Variants in PRKG1 observed in about 807,000 individuals in gnomAD.
The protein encoded by PRKG1 is protein kinase cGMP-dependent 1.
A neutral mutation model predicts 88.1 loss-of-function variants in PRKG1; 35 were observed. The ratio of observed to expected loss-of-function variants is 0.40; its 90% confidence interval spans 0.30 to 0.53. The LOEUF is 0.53. Ranked by LOEUF, PRKG1 falls within the 20% of genes least tolerant of loss-of-function variation. PRKG1 has a pLI of 0.59. For missense variants in PRKG1, 540 were observed against 839.8 expected, an observed-to-expected ratio of 0.64 and a Z score of 4.41; for synonymous variants, 303 against 292.5, an observed-to-expected ratio of 1.04 and a Z score of -0.37.
chr10:51,072,685 T>C (rs1194138911), upstream of PRKG1, among the ~76,000 whole-genome samples: 3 of 152,176 alleles, frequency 2.0e-5, no homozygotes, highest in Non-Finnish European at 2.9e-5. Context: ...ATGAAGTGTC[T>C]TGTGTAATCT....
intron 2 of PRKG1, among the ~76,000 whole-genome samples, chr10:51,164,433 C>A (rs966987890): frequency 1.3e-5 from 2 of 151,932 alleles, no homozygotes; most frequent in Non-Finnish European, 2.9e-5. Context: ...GTAGATAAAA[C>A]CACAAAGATG....
intron 2 of PRKG1, among the ~76,000 whole-genome samples, chr10:51,188,757 G>A (rs1837558325): frequency 6.6e-6 from 1 of 151,914 alleles, no homozygotes; most frequent in South Asian, 2.1e-4. Flanking sequence ...GGATAAGTTT[G>A]TGTCTAATCC....
intron 5 of PRKG1, among the ~76,000 whole-genome samples, chr10:51,926,750 G>A (rs948048290): frequency 5.7e-5 from 8 of 141,292 alleles, no homozygotes; most frequent in Non-Finnish European, 1.2e-4. Context: ...GCCTAGCATA[G>A]TTTTTTTTTT....
At chr10:51,065,847 A>G (rs1284672570) in intron 1 of PRKG1, among the ~76,000 whole-genome samples, 4 of 152,086 alleles carry the variant, frequency 2.6e-5, no homozygotes, top group Non-Finnish European at 5.9e-5. Context: ...TATTTATGCA[A>G]ATATTAGGGT....
chr10:51,923,745 T>C (rs1046822124), intron 5 of PRKG1, among the ~76,000 whole-genome samples: 1 of 152,096 alleles, frequency 6.6e-6, no homozygotes, highest in Non-Finnish European at 1.5e-5. Flanking sequence ...GTTACTCTTA[T>C]TATTTTGAAC....
At chr10:51,107,850 A>G (rs1266084331) in intron 1 of PRKG1, among the ~76,000 whole-genome samples, 3 of 151,354 alleles carry the variant, frequency 2.0e-5, no homozygotes. Flanking sequence ...AAACTTTATA[A>G]CCAGACTTAA....
chr10:51,126,273 T>A (rs183062159), intron 1 of PRKG1, among the ~76,000 whole-genome samples: 171 of 24,232 alleles, frequency 7.1e-3, no homozygotes, highest in Non-Finnish European at 0.013. Context: ...TTATTTATAA[T>A]TATTTATATA....
chr10:51,347,401 G>A lies in PRKG1; in HGVS notation c.479-120322G>A, dbSNP rs548183077. 2.2e-4 allele frequency among the ~76,000 whole-genome samples: 34 copies of A among 152,222 alleles called. No individual in the cohort carries two copies. In the South Asian group the frequency reaches 3.9e-3, roughly 18 times the overall value. ...GACTATGTACAATATTCTTTCTAACGAAGAATGGATACTTCAGTTCCTCAG... is the reference window on the plus strand; with the variant it reads ...GACTATGTACAATATTCTTTCTAACAAAGAATGGATACTTCAGTTCCTCAG... On this transcript the variant is annotated intron_variant, in intron 2 of 17. Transcript: ENST00000373980.
chr10:51,109,643 T>G (rs1017616063), intron 1 of PRKG1, among the ~76,000 whole-genome samples: 22 of 152,226 alleles, frequency 1.4e-4, no homozygotes, highest in African/African-American at 5.3e-4. Flanking sequence ...ATGTAAACCT[T>G]CCATCTTTTA....
intron 2 of PRKG1, among the ~76,000 whole-genome samples, chr10:51,374,093 AATATAT>A (rs58198784): frequency 2.0e-5 from 2 of 100,144 alleles, no homozygotes; most frequent in Non-Finnish European, 4.4e-5. Flanking sequence ...AAAAAAAAAA[AATATAT>A]ATATATATAT....
At chr10:51,498,171 G>C (rs559065050) in intron 3 of PRKG1, among the ~76,000 whole-genome samples, 2 of 152,238 alleles carry the variant, frequency 1.3e-5, no homozygotes, top group Admixed American at 1.3e-4. Flanking sequence ...AGATGATTAA[G>C]GATATGTGAA....
chr10:51,393,632 T>C (rs1025153525), intron 2 of PRKG1, among the ~76,000 whole-genome samples: 15 of 151,978 alleles, frequency 9.9e-5, no homozygotes, highest in African/African-American at 3.6e-4. Flanking sequence ...ATGAAATTAG[T>C]TGTGGGGTGA....
chr10:51,730,385 G>T (rs1319891950), intron 3 of PRKG1, among the ~76,000 whole-genome samples: 1 of 152,216 alleles, frequency 6.6e-6, no homozygotes, highest in Non-Finnish European at 1.5e-5. Flanking sequence ...AATGTAGTTT[G>T]ACTGATGACT....
At chr10:51,698,781 G>A (rs748589500) in intron 3 of PRKG1, 21 of 1,614,184 alleles carry the variant, frequency 1.3e-5, no homozygotes, top group Non-Finnish European at 1.8e-5. Context: ...CCCTGGATAG[G>A]AGTCTGCATC....
chr10:51,767,839 A>T (rs1026852801), intron 3 of PRKG1, among the ~76,000 whole-genome samples: 1 of 152,152 alleles, frequency 6.6e-6, no homozygotes, highest in African/African-American at 2.4e-5. Flanking sequence ...TTTGCCTGCT[A>T]TTTTGAAGAC....
At chr10:52,011,379 G>T (rs10823952) in intron 5 of PRKG1, among the ~76,000 whole-genome samples, 4 of 151,934 alleles carry the variant, frequency 2.6e-5, no homozygotes, top group African/African-American at 7.3e-5. Context: ...ATGTGTCAGT[G>T]GTCAGAAGGA....
At chr10:51,328,107 C>A (rs527391405) in intron 2 of PRKG1, among the ~76,000 whole-genome samples, 1 of 152,250 alleles carries the variant, frequency 6.6e-6, no homozygotes, top group South Asian at 2.1e-4. Flanking sequence ...ATCCTTCGAC[C>A]AATATCTTCT....
At chr10:51,106,692 A>C (rs1339086031) in intron 1 of PRKG1, among the ~76,000 whole-genome samples, 2 of 152,210 alleles carry the variant, frequency 1.3e-5, no homozygotes, top group Non-Finnish European at 2.9e-5. Context: ...AAGACTTGTA[A>C]AATGAAGCCA....
At position 51,136,984 on chromosome 10, in the gene PRKG1, A is replaced by C. The variant is rs962118582; in HGVS notation, c.312-16180A>C. ...TGGCGCCATCTTGCCTCCTGGGTTCATGCCATTCTCCTGCCTCAGCCTACC... is the reference window on the plus strand; with the variant it reads ...TGGCGCCATCTTGCCTCCTGGGTTCCTGCCATTCTCCTGCCTCAGCCTACC... On this transcript the variant is annotated intron_variant, in intron 1 of 17. Coordinates refer to ENST00000373980, the MANE Select transcript of PRKG1 (RefSeq NM_006258.4). Among the ~76,000 whole-genome samples, 4 of 151,882 alleles carry C rather than the reference A, an allele frequency of 2.6e-5. No homozygotes were observed. The East Asian group carries it at 5.8e-4, about 22-fold the overall frequency.
Sources: gnomAD v4.1 joint callset for allele counts (sites outside exome capture counted in the v4.1 genomes callset) on GRCh38, gnomAD v4.1.1 for gene constraint, MANE v1.5 for transcripts, NCBI Gene and HGNC (gene_info 2026-07-23, HGNC 2026-07-21) for gene names.